Variants in GREM2 observed in about 807,000 individuals in gnomAD.
GREM2 encodes the protein gremlin 2, DAN family BMP antagonist, also known as gremlin-2.
Under a neutral mutation model 14.2 loss-of-function variants are expected in GREM2, and 11 were observed. The ratio of observed to expected loss-of-function variants is 0.78; its 90% CI spans 0.49 to 1.28. The LOEUF is 1.28. Among genes scored for constraint, GREM2 ranks in the 50% most tolerant of loss-of-function variants. GREM2 has a pLI of 0.00. For synonymous variants in GREM2, 98 were observed against 97.6 expected (o/e 1.00, Z -0.02); for missense variants, 210 against 218.5 (o/e 0.96, Z 0.24).
chr1:240,562,961 AGTGT>A (rs1387311127), intron 1 of GREM2, among the ~76,000 whole-genome samples: 12 of 77,528 alleles, frequency 1.5e-4, no homozygotes, highest in South Asian at 7.6e-4. Context: ...TATGTGTGTG[AGTGT>A]GTGTATGTGT....
chr1:240,521,026 G>A lies in GREM2; in HGVS notation c.-1-27550C>T, dbSNP rs553135531. Among the ~76,000 whole-genome samples, 21 of 152,122 alleles carry A rather than the reference G, an allele frequency of 1.4e-4. No homozygotes were observed. The East Asian group carries it at 4.1e-3, about 29-fold the overall frequency. On this transcript the variant is annotated intron_variant, in intron 1 of 1. Transcript: ENST00000318160. ...CTCTGGTTATTTTTTGGAAAAGCAG[G>A]ACAACATAAAGTACCAAAATACACT... is the stretch of plus-strand genomic sequence containing the variant.
intron 1 of GREM2, among the ~76,000 whole-genome samples, chr1:240,563,067 ATG>A (rs565407209): frequency 1.1e-3 from 154 of 140,708 alleles, no homozygotes; most frequent in Middle Eastern, 8.5e-3. Flanking sequence ...GTGAGTGTGT[ATG>A]TGTGTATATG....
intron 1 of GREM2, among the ~76,000 whole-genome samples, chr1:240,546,420 C>CACTCACACCCAGTGCTAA (rs1333199252): frequency 6.6e-6 from 1 of 151,934 alleles, no homozygotes; most frequent in African/African-American, 2.4e-5. Context: ...CTTACAACTC[C>CACTCACACCCAGTGCTAA]ACTCACACCC....
chr1:240,605,320 T>C (rs1179219689), intron 1 of GREM2, among the ~76,000 whole-genome samples: 3 of 151,914 alleles, frequency 2.0e-5, no homozygotes, highest in Admixed American at 6.6e-5. Context: ...TCCAAAAAAA[T>C]TGAAAAATTA....
chr1:240,560,365 T>C (rs1402923367), intron 1 of GREM2, among the ~76,000 whole-genome samples: 3 of 152,134 alleles, frequency 2.0e-5, no homozygotes, highest in Non-Finnish European at 4.4e-5. Flanking sequence ...AATCATGACC[T>C]TGAGGACACC....
intron 1 of GREM2, among the ~76,000 whole-genome samples, chr1:240,601,189 C>T (rs1459847986): frequency 6.6e-6 from 1 of 152,172 alleles, no homozygotes; most frequent in Admixed American, 6.5e-5. Flanking sequence ...AGTTTTTATG[C>T]CTGTATGAAA....
chr1:240,586,037 A>T (rs1679594039), intron 1 of GREM2, among the ~76,000 whole-genome samples: 1 of 151,986 alleles, frequency 6.6e-6, no homozygotes, highest in Non-Finnish European at 1.5e-5. Context: ...AGAAAAAAAA[A>T]AAAAGACAAA....
At chr1:240,547,214 A>T (rs1204719298) in intron 1 of GREM2, among the ~76,000 whole-genome samples, 1 of 151,950 alleles carries the variant, frequency 6.6e-6, no homozygotes, top group East Asian at 1.9e-4. Context: ...AAAAATATGA[A>T]TGGAGGCCAG....
chr1:240,513,577 A>C (rs1164100509), intron 1 of GREM2, among the ~76,000 whole-genome samples: 3 of 26,600 alleles, frequency 1.1e-4, no homozygotes, highest in African/African-American at 9.4e-4. Context: ...TCCATCTACA[A>C]AAAAAAAAAA....
intron 1 of GREM2, among the ~76,000 whole-genome samples, chr1:240,596,881 TACTTCGGGC>T (rs1679828494): frequency 6.6e-6 from 1 of 152,158 alleles, no homozygotes; most frequent in Non-Finnish European, 1.5e-5. Context: ...TCCTTGTGCA[TACTTCGGGC>T]AGAGAGAAAA....
At chr1:240,590,957 T>C (rs140251158) in intron 1 of GREM2, among the ~76,000 whole-genome samples, 2,382 of 151,982 alleles carry the variant, frequency 0.016, 62 homozygotes, top group African/African-American at 0.055. Flanking sequence ...AATTTTTGTA[T>C]TTTTAGTAGA....
At chr1:240,505,566 T>G (rs1205139622) in intron 1 of GREM2, among the ~76,000 whole-genome samples, 3 of 152,166 alleles carry the variant, frequency 2.0e-5, no homozygotes, top group Admixed American at 1.3e-4. Flanking sequence ...TATTTTGCCC[T>G]CTTTTTTCAG....
intron 1 of GREM2, among the ~76,000 whole-genome samples, chr1:240,551,198 AAAGT>A (rs1678842524): frequency 1.3e-5 from 2 of 152,164 alleles, no homozygotes; most frequent in Admixed American, 1.3e-4. Context: ...ATGAGGGTTC[AAAGT>A]AAGATGAAAC....
chr1:240,572,213 G>A (rs1268049444), intron 1 of GREM2, among the ~76,000 whole-genome samples: 4 of 152,056 alleles, frequency 2.6e-5, no homozygotes, highest in South Asian at 2.1e-4. Flanking sequence ...AGATGTGTTC[G>A]TGTCTGAATA....
chr1:240,547,459 C>T (rs570860021), intron 1 of GREM2, among the ~76,000 whole-genome samples: 14 of 145,882 alleles, frequency 9.6e-5, no homozygotes, highest in East Asian at 4.0e-4. Context: ...GAAATCACAC[C>T]GCTGCACTCC....
intron 1 of GREM2, among the ~76,000 whole-genome samples, chr1:240,526,203 G>C (rs978154115): frequency 2.0e-5 from 3 of 152,132 alleles, no homozygotes; most frequent in Non-Finnish European, 4.4e-5. Flanking sequence ...ATCTTTGGAG[G>C]GGGGCATTGT....
At chr1:240,505,933 G>A (rs188958407) in intron 1 of GREM2, among the ~76,000 whole-genome samples, 179 of 151,892 alleles carry the variant, frequency 1.2e-3, no homozygotes, top group Non-Finnish European at 1.7e-3. Flanking sequence ...AATAGCAATG[G>A]TATTTATATT....
At chr1:240,588,186 T>A (rs12569083) in intron 1 of GREM2, among the ~76,000 whole-genome samples, 7,286 of 152,310 alleles carry the variant, frequency 0.048, 291 homozygotes, top group East Asian at 0.21. Context: ...TGTTTTGCAC[T>A]GTTTTTCAGT....
chr1:240,547,715 G>A (rs1678769639), intron 1 of GREM2, among the ~76,000 whole-genome samples: 1 of 151,882 alleles, frequency 6.6e-6, no homozygotes, highest in Non-Finnish European at 1.5e-5. Context: ...TGATGTGCAT[G>A]AAGAGGTGTC....
Sources: allele counts gnomAD v4.1 joint callset (sites outside exome capture counted in the v4.1 genomes callset), GRCh38; gene constraint gnomAD v4.1.1; transcripts MANE v1.5; gene names NCBI Gene and HGNC (gene_info 2026-07-23, HGNC 2026-07-21).